Variants in PWP1 observed in about 807,000 individuals in gnomAD.
The protein encoded by PWP1 is periodic tryptophan protein 1 homolog.
In PWP1, 47 loss-of-function variants were observed where a neutral mutation model predicts 69.9. The observed-to-expected ratio is 0.67, with a 90% CI of 0.53 to 0.86. The LOEUF (loss-of-function observed/expected upper bound fraction) is 0.86. Among genes scored for constraint, PWP1 ranks in the 40% least tolerant of loss-of-function variants. The probability of loss-of-function intolerance (pLI) is 0.00; values close to 1 mark genes in which losing one functional copy is unlikely to be tolerated. For missense variants in PWP1, 551 were observed against 608.8 expected (o/e 0.91, Z 1.00); for synonymous variants, 222 against 208.2 (o/e 1.07, Z -0.57).
chr12:107,697,338 C>A, intron 6 of PWP1, 129 bp from the exon 7 acceptor site: 1 of 848,344 alleles, frequency 1.2e-6, no homozygotes, highest in Non-Finnish European at 1.7e-6. Context: ...TCAGATGCCG[C>A]ATATGCATAT....
At position 107,697,608 on chromosome 12, in the gene PWP1, TAATA is replaced by T. The variant is rs753988444; in HGVS notation, c.744+16_744+19del. 4 of 1,595,788 alleles carry T rather than the reference TAATA, an allele frequency of 2.5e-6. No individual in the cohort carries two copies. Among genetic ancestry groups the T allele is most frequent in the South Asian group, 2.3e-5 (2 of 88,824 alleles). On this transcript the variant is annotated intron_variant, in intron 7 of 14. Transcript: ENST00000412830. Reference sequence around the variant, plus strand: ...AAGAAAGGAAAGAAGGTAAAGAAGTTAATAAATATTTAAACTCTAATGACAGAGG... The same window carrying T: ...AAGAAAGGAAAGAAGGTAAAGAAGTTAATATTTAAACTCTAATGACAGAGG...
rs1005745033 is a variant in PWP1 at position 107,689,117 on chromosome 12, A to G, written c.319+315A>G. Among the ~76,000 whole-genome samples the G allele has an allele frequency of 7.2e-5, 11 of 152,180 alleles. No homozygotes were observed. The East Asian group carries it at 1.5e-3, about 21-fold the overall frequency. ...CTATGGTGTGCTTGAACTTATATCC[A>G]TATACCTTTTCCTCAACTGCAGTCA... On this transcript the variant is annotated intron_variant, in intron 3 of 14. Transcript: ENST00000412830.
At position 107,693,036 on chromosome 12, in the gene PWP1, A is replaced by G; in HGVS notation, c.442A>G (p.Ser148Gly). 6.2e-7 allele frequency: 1 copy of G among 1,614,192 alleles called. No individual in the cohort carries two copies. The highest frequency in any genetic ancestry group is 8.5e-7 in the Non-Finnish European group (1 of 1,180,024). The change falls in exon 5 of 15, where the codon AGT becomes GGT. Residue 148 changes from serine to glycine, a missense_variant. Transcript: ENST00000412830. ...YEREDFLIKP[S>G]DNLIVCGRAE... is the part of the protein sequence containing the mutation. ...ACGTGAAGATTTCTTGATTAAGCCCAGTGATAATCTTATAGTTTGTGGCCG... is the reference window on the plus strand; with the variant it reads ...ACGTGAAGATTTCTTGATTAAGCCCGGTGATAATCTTATAGTTTGTGGCCG...
chr12:107,708,649 C>T (rs778713817), intron 11 of PWP1, among the ~76,000 whole-genome samples: 4 of 152,184 alleles, frequency 2.6e-5, no homozygotes, highest in Non-Finnish European at 4.4e-5. Flanking sequence ...CCTGTGTTCA[C>T]GTGGATGTAA....
At chr12:107,704,991 G>T (rs899336044) in intron 11 of PWP1, among the ~76,000 whole-genome samples, 1 of 151,932 alleles carries the variant, frequency 6.6e-6, no homozygotes, top group Non-Finnish European at 1.5e-5. Flanking sequence ...TTTATTTAAT[G>T]ATTTTGATCA....
intron 1 of PWP1, among the ~76,000 whole-genome samples, chr12:107,687,290 A>G (rs974348170): frequency 1.3e-5 from 2 of 152,214 alleles, no homozygotes; most frequent in African/African-American, 4.8e-5. Context: ...AGGGACAGAA[A>G]ATTATTTCAT....
intron 14 of PWP1, among the ~76,000 whole-genome samples, chr12:107,711,905 G>A (rs531036500): frequency 2.6e-5 from 4 of 152,126 alleles, no homozygotes; most frequent in African/African-American, 9.6e-5. Context: ...TCCAAGACAT[G>A]GCAAAGAAAG....
At chr12:107,686,265 T>G (rs1293208879) in intron 1 of PWP1, 1 of 505,106 alleles carries the variant, frequency 2.0e-6, no homozygotes, top group African/African-American at 1.9e-5. Context: ...GGGCTGCTGT[T>G]TTTGGTGGGT....
rs758820503 is a variant in PWP1, at chr12:107,693,012, C to T, written c.418C>T (p.Arg140Cys). 16 of 1,613,864 alleles carry T rather than the reference C, an allele frequency of 9.9e-6. No individual in the cohort carries two copies. Among genetic ancestry groups the T allele is most frequent in the East Asian group, 4.5e-5 (2 of 44,882 alleles). ...TCCTCTCACTTAGGAACAATATGAA[C>T]GTGAAGATTTCTTGATTAAGCCCAG... ...VTLKDTEQYE[R>C]EDFLIKPSDN... Residue 140 changes from arginine to cysteine, a missense_variant, in exon 5 of 15, where the codon CGT becomes TGT. Physicochemically the swap from Arg to Cys is radical, Grantham distance 180. Coordinates refer to ENST00000412830, the MANE Select transcript of PWP1 (RefSeq NM_007062.3).
Position 107,712,162 on chromosome 12 carries a change from A to AT in PWP1, c.1450dup (p.Ser484PhefsTer4). On this transcript the variant is annotated frameshift_variant, in exon 15 of 15. Coordinates refer to ENST00000412830, the MANE Select transcript of PWP1 (RefSeq NM_007062.3). LOFTEE classifies it high-confidence loss of function. ...AGGCTTGTTCTTGGGAGTGCAAGAA[A>AT]TTCATCTATTAGTGGCCCTTTTGGC... 1 of 1,614,090 alleles carries AT rather than the reference A, an allele frequency of 6.2e-7. No homozygotes were observed. Among genetic ancestry groups the AT allele is most frequent in the Non-Finnish European group, 8.5e-7 (1 of 1,179,958 alleles).
In PWP1 at chr12:107,702,977, G is replaced by A; in HGVS notation, c.849G>A (p.Leu283=). 1 of 1,612,310 alleles carries A rather than the reference G, an allele frequency of 6.2e-7. No individual in the cohort carries two copies. Among genetic ancestry groups the A allele is most frequent in the Non-Finnish European group, 8.5e-7 (1 of 1,178,386 alleles). The change falls in exon 9 of 15, where the codon CTG becomes CTA. Residue 283 remains leucine (L), a synonymous_variant. Coordinates refer to ENST00000412830, the MANE Select transcript of PWP1 (RefSeq NM_007062.3). The part of the protein sequence containing the change: ...ASASADNTVI[L]WDMSLGKPAA... Reference sequence around the variant, plus strand: ...CATCAGCTGACAACACTGTAATTCTGTGGGATATGTCCTTGGGGAAACCAG... The same window carrying A: ...CATCAGCTGACAACACTGTAATTCTATGGGATATGTCCTTGGGGAAACCAG...
At chr12:107,691,792 C>T (rs1389138745) in intron 3 of PWP1, among the ~76,000 whole-genome samples, 2 of 152,080 alleles carry the variant, frequency 1.3e-5, no homozygotes, top group Admixed American at 6.6e-5. Context: ...TTCATTCCTC[C>T]GTTTTCCTCA....
intron 3 of PWP1, among the ~76,000 whole-genome samples, chr12:107,690,724 C>T (rs1394678183): frequency 6.6e-6 from 1 of 152,150 alleles, no homozygotes; most frequent in Admixed American, 6.5e-5. Flanking sequence ...GCCTGAAAAA[C>T]TCCAGCAATG....
chr12:107,698,667 C>G (rs554582710), intron 7 of PWP1, among the ~76,000 whole-genome samples: 1 of 152,338 alleles, frequency 6.6e-6, no homozygotes, highest in East Asian at 1.9e-4. Context: ...TCACTGCAGC[C>G]TGAAACGCCT....
At chr12:107,699,211 A>G (rs1330415935) in intron 7 of PWP1, among the ~76,000 whole-genome samples, 162 bp from the exon 8 acceptor site, 1 of 152,208 alleles carries the variant, frequency 6.6e-6, no homozygotes, top group African/African-American at 2.4e-5. Flanking sequence ...GTGAGCTGAG[A>G]TCGTGCAACT....
intron 5 of PWP1, among the ~76,000 whole-genome samples, chr12:107,693,331 A>T (rs897703381): frequency 2.0e-5 from 3 of 151,968 alleles, no homozygotes; most frequent in African/African-American, 7.3e-5. Context: ...GAAATTTTTC[A>T]TAGGGGTGTT....
chr12:107,710,318 C>A (rs1889922285), intron 13 of PWP1, 87 bp from the exon 14 acceptor site: 1 of 1,538,216 alleles, frequency 6.5e-7, no homozygotes, highest in South Asian at 1.2e-5. Flanking sequence ...CCATTTAAAT[C>A]ATAGATTCTT....
rs1446933920 is a variant in PWP1, at chr12:107,703,733, G to A, written c.952G>A (p.Gly318Ser). Reference protein sequence around the residue: ...HPFEAQTLISGSYDKSVALYD... With the variant: ...HPFEAQTLISSSYDKSVALYD... ...ATTTGAAGCACAGACTCTGATTTCT[G>A]GCTCATATGATAAGTAAGAAAGCAC... Residue 318 changes from glycine to serine, a missense_variant, in exon 10 of 15, where the codon GGC (glycine) becomes AGC (serine). Coordinates refer to ENST00000412830, the MANE Select transcript of PWP1 (RefSeq NM_007062.3). 2 of 1,601,556 alleles carry A rather than the reference G, an allele frequency of 1.2e-6. No homozygotes were observed. Among genetic ancestry groups the A allele is most frequent in the Admixed American group, 3.3e-5 (2 of 59,974 alleles).
chr12:107,693,669 T>A (rs1889528385), intron 5 of PWP1, among the ~76,000 whole-genome samples: 1 of 152,136 alleles, frequency 6.6e-6, no homozygotes, highest in Non-Finnish European at 1.5e-5. Context: ...AGTTCTAGGC[T>A]ACAGTGAGCT....
Sources: gnomAD v4.1 joint callset for allele counts (sites outside exome capture counted in the v4.1 genomes callset) on GRCh38, gnomAD v4.1.1 for gene constraint, MANE v1.5 for transcripts, NCBI Gene and HGNC (gene_info 2026-07-23, HGNC 2026-07-21) for gene names.